The following PCNX1 variants were observed in gnomAD, a reference collection of about 807,000 sequenced individuals.
PCNX1 encodes pecanex 1, also known as pecanex-like protein 1.
In PCNX1, 78 loss-of-function variants were observed where a neutral mutation model predicts 242.2. That is an observed-to-expected ratio of 0.32 (90% CI 0.27 to 0.39). The LOEUF (loss-of-function observed/expected upper bound fraction) is 0.39. PCNX1 is among the 10% of genes least tolerant of loss of function. The probability of loss-of-function intolerance (pLI) is 1.00; values close to 1 mark genes in which losing one functional copy is unlikely to be tolerated. For synonymous variants in PCNX1, 1,024 were observed against 1,032.9 expected (o/e 0.99, Z 0.17); for missense variants, 2,581 against 2,856.5 (o/e 0.90, Z 2.20).
rs748068523 is a variant in PCNX1 at position 71,051,982 on chromosome 14, G to A, written c.4547G>A (p.Arg1516Gln). ...GSAIFITSYV[R>Q]PVKFWERDYN... ...GCAATATTCATCACTTCATATGTCCGACCTGTGAAATTCTGGGAGAGAGAC... is the reference window on the plus strand; with the variant it reads ...GCAATATTCATCACTTCATATGTCCAACCTGTGAAATTCTGGGAGAGAGAC... Residue 1516 changes from arginine (R) to glutamine (Q), a missense_variant, in exon 24 of 36, where the codon CGA (arginine) becomes CAA (glutamine). Arg to Gln is a conservative substitution (Grantham distance 43). Transcript: ENST00000304743. 1.9e-6 allele frequency: 3 copies of A among 1,613,074 alleles called. No individual in the cohort carries two copies. Among genetic ancestry groups the A allele is most frequent in the Admixed American group, 3.3e-5 (2 of 59,950 alleles).
chr14:70,949,407 A>G (rs573321260), intron 2 of PCNX1, among the ~76,000 whole-genome samples: 4 of 151,382 alleles, frequency 2.6e-5, no homozygotes, highest in African/African-American at 4.9e-5. Context: ...GTGTGTGTAC[A>G]TATATATGTA....
chr14:70,974,994 A>G (rs561364293), intron 5 of PCNX1, among the ~76,000 whole-genome samples: 1 of 152,316 alleles, frequency 6.6e-6, no homozygotes, highest in East Asian at 1.9e-4. Context: ...TGCATGTATT[A>G]AAGTAAGTTT....
In PCNX1 at chr14:71,008,613, G is replaced by A. The variant is rs549632571; in HGVS notation, c.2630-1021G>A. 1.7e-4 allele frequency among the ~76,000 whole-genome samples: 22 copies of A among 128,666 alleles called. No individual in the cohort carries two copies. The South Asian group carries it at 2.5e-3, about 15-fold the overall frequency. 84.4% of individuals were successfully genotyped at this position (128,666 alleles called of 152,430 possible). A position where few individuals can be genotyped will look rare whatever the true frequency, so the allele number is the denominator to read the frequency against. The stretch of plus-strand genomic sequence containing the variant: ...AGAGCTTGCAGTGAGCCGAGATTGC[G>A]CCACTGCACTCCAGCCTGGGTGACA... On this transcript the variant is annotated intron_variant, in intron 8 of 35. Coordinates refer to ENST00000304743, the MANE Select transcript of PCNX1 (RefSeq NM_014982.3).
chr14:70,946,746 A>C, intron 1 of PCNX1, 169 bp from the exon 2 acceptor site: 1 of 577,958 alleles, frequency 1.7e-6, no homozygotes, highest in Non-Finnish European at 3.1e-6. Flanking sequence ...ACATGTAGCT[A>C]GTGTCTTTTG....
intron 1 of PCNX1, among the ~76,000 whole-genome samples, chr14:70,942,683 A>G (rs762518851): frequency 6.6e-5 from 10 of 152,254 alleles, no homozygotes; most frequent in African/African-American, 2.2e-4. Context: ...GTCTCTGGGC[A>G]TGCCACCCTC....
intron 1 of PCNX1, 116 bp from the exon 2 acceptor site, chr14:70,946,799 T>C: frequency 2.6e-6 from 2 of 775,042 alleles, no homozygotes; most frequent in Non-Finnish European, 4.1e-6. Context: ...TTAGCGCTAG[T>C]AACATAGTTG....
chr14:70,990,215 C>G (rs1011409779), intron 7 of PCNX1, among the ~76,000 whole-genome samples: 6 of 151,864 alleles, frequency 4.0e-5, no homozygotes, highest in Non-Finnish European at 7.4e-5. Flanking sequence ...GGGGGCTGCC[C>G]AGTTCACAAA....
chr14:70,947,150 T>G (rs745970858), intron 2 of PCNX1, 27 bp downstream of exon 2: 1 of 1,443,638 alleles, frequency 6.9e-7, no homozygotes, highest in South Asian at 1.2e-5. Flanking sequence ...CATTGATTGA[T>G]CGTAATGATT....
intron 28 of PCNX1, among the ~76,000 whole-genome samples, chr14:71,086,714 A>G (rs1057346815): frequency 6.6e-6 from 1 of 152,120 alleles, no homozygotes; most frequent in Admixed American, 6.5e-5. Context: ...TCCCTCTCTC[A>G]GTAGCTCTCT....
At chr14:70,948,578 C>T (rs2057555738) in intron 2 of PCNX1, among the ~76,000 whole-genome samples, 1 of 145,502 alleles carries the variant, frequency 6.9e-6, no homozygotes, top group Non-Finnish European at 1.6e-5. Context: ...TGTATATATA[C>T]ACATATGCAT....
At chr14:70,980,257 TA>T (rs1254804945) in intron 6 of PCNX1, among the ~76,000 whole-genome samples, 4 of 152,064 alleles carry the variant, frequency 2.6e-5, no homozygotes, top group African/African-American at 9.7e-5. Flanking sequence ...TTCTGTTTTT[TA>T]GGAAAAGTTA....
rs746531034 is a variant in PCNX1, at chr14:70,907,970, C to T, written c.120C>T (p.Leu40=). The change falls in exon 1 of 36, where the codon CTC becomes CTT. Residue 40 remains leucine (L), a synonymous_variant. Transcript: ENST00000304743. ...FVNALHLYLW[L]FLLGLPFTLY... ...ACGCGCTGCACCTCTACCTGTGGCT[C>T]TTTCTGCTGGGCCTGCCCTTCACCC... The T allele has an allele frequency of 2.2e-5, 35 of 1,598,166 alleles. No individual in the cohort carries two copies. The East Asian group carries it at 4.3e-4, about 19-fold the overall frequency.
intron 30 of PCNX1, among the ~76,000 whole-genome samples, chr14:71,100,874 T>C (rs955310657): frequency 1.3e-5 from 2 of 152,194 alleles, no homozygotes; most frequent in African/African-American, 4.8e-5. Context: ...TGGCATTTAC[T>C]AACTTCCTAC....
Position 71,029,895 on chromosome 14 carries a change from A to G in PCNX1, c.3558+1104A>G, listed in dbSNP as rs545539867. Among the ~76,000 whole-genome samples, 6 of 152,346 alleles carry G rather than the reference A, an allele frequency of 3.9e-5. No homozygotes were observed. The East Asian group carries it at 5.8e-4, about 15-fold the overall frequency. On this transcript the variant is annotated intron_variant, in intron 16 of 35. Coordinates refer to ENST00000304743, the MANE Select transcript of PCNX1 (RefSeq NM_014982.3). ...TTCTTCTTACCCACATTGTATGACT[A>G]TATCACAGTTTACCTGCTGTGTTAG...
At chr14:71,051,784 A>C (rs2061042869) in intron 23 of PCNX1, 99 bp from the exon 24 acceptor site, 14 of 1,132,298 alleles carry the variant, frequency 1.2e-5, no homozygotes, top group Non-Finnish European at 1.8e-5. Context: ...TCAGTTCTCT[A>C]ATTGAGGTAA....
chr14:70,962,105 G>C, intron 2 of PCNX1, 121 bp from the exon 3 acceptor site: 2 of 656,416 alleles, frequency 3.0e-6, no homozygotes, highest in Non-Finnish European at 5.5e-6. Flanking sequence ...GCTATTTGCT[G>C]GATTAAAAAT....
chr14:71,083,479 G>T (rs921874908), intron 28 of PCNX1, among the ~76,000 whole-genome samples: 15 of 152,072 alleles, frequency 9.9e-5, no homozygotes, highest in African/African-American at 1.4e-4. Context: ...ATCACTTTCA[G>T]GTACACCAAT....
rs1207453435 is a variant in PCNX1 at position 71,059,613 on chromosome 14, GA to G, written c.4852+1891del. Reference sequence around the variant, plus strand: ...TCACCACCTTGCCAAGGCTGGTCTTGAACTCCTGAGCTCAAGCGACCCTCCA... The same window carrying G: ...TCACCACCTTGCCAAGGCTGGTCTTGACTCCTGAGCTCAAGCGACCCTCCA... On this transcript the variant is annotated intron_variant, in intron 26 of 35. Transcript: ENST00000304743. 6.6e-5 allele frequency among the ~76,000 whole-genome samples: 10 copies of G among 151,860 alleles called. No homozygotes were observed. The South Asian group carries it at 8.3e-4, about 13-fold the overall frequency.
chr14:71,067,975 A>G (rs1200667294), intron 26 of PCNX1, among the ~76,000 whole-genome samples: 2 of 152,006 alleles, frequency 1.3e-5, no homozygotes, highest in African/African-American at 4.8e-5. Context: ...TAGCACATGG[A>G]GAAAAAAGCT....
Sources: allele counts gnomAD v4.1 joint callset (sites outside exome capture counted in the v4.1 genomes callset), GRCh38; gene constraint gnomAD v4.1.1; transcripts MANE v1.5; gene names NCBI Gene and HGNC (gene_info 2026-07-23, HGNC 2026-07-21).